The following KANK1 variants were observed in gnomAD, a reference collection of about 807,000 sequenced individuals.
KANK1 encodes KN motif and ankyrin repeat domains 1.
A neutral mutation model predicts 106.2 loss-of-function variants in KANK1; 109 were observed. That is an observed-to-expected ratio of 1.03 (90% CI 0.88 to 1.20). The LOEUF (loss-of-function observed/expected upper bound fraction) is 1.20. Among genes scored for constraint, KANK1 ranks in the 50% most tolerant of loss-of-function variants. The probability of loss-of-function intolerance (pLI) is 0.00; values close to 1 mark genes in which losing one functional copy is unlikely to be tolerated. For missense variants in KANK1, 2,399 were observed against 1,710.7 expected, an observed-to-expected ratio of 1.40 and a Z score of -7.10; for synonymous variants, 873 against 652.2, an observed-to-expected ratio of 1.34 and a Z score of -5.16.
Position 713,211 on chromosome 9 carries a change from T to G in KANK1, c.2445T>G (p.Ala815=). The change falls in exon 3 of 12, where the codon GCT becomes GCG. Residue 815 remains alanine, a synonymous_variant. Coordinates refer to ENST00000382297, the MANE Select transcript of KANK1 (RefSeq NM_015158.5). The part of the protein sequence containing the change: ...GESLENPQPQ[A]PLGMMTGLDH... The stretch of plus-strand genomic sequence containing the variant: ...CTCTGGAGAACCCCCAGCCTCAAGC[T>G]CCACTTGGAATGATGACTGGCCTGG... 1 of 1,591,770 alleles carries G rather than the reference T, an allele frequency of 6.3e-7. No individual in the cohort carries two copies. The highest frequency in any genetic ancestry group is 8.6e-7 in the Non-Finnish European group (1 of 1,168,884).
intron 1 of KANK1, among the ~76,000 whole-genome samples, chr9:636,628 G>A (rs1268204268): frequency 6.6e-6 from 1 of 152,214 alleles, no homozygotes; most frequent in Non-Finnish European, 1.5e-5. Flanking sequence ...AACACTTTGG[G>A]AGGCCAAGGC....
chr9:727,680 A>ATGTGTGTGTGTGTG lies in KANK1; in HGVS notation c.2699-2347_2699-2334dup, dbSNP rs55997819. Among the ~76,000 whole-genome samples, 962 of 139,742 alleles carry ATGTGTGTGTGTGTG rather than the reference A, an allele frequency of 6.9e-3. 17 individuals are homozygous for ATGTGTGTGTGTGTG. Among genetic ancestry groups the ATGTGTGTGTGTGTG allele is most frequent in the African/African-American group, 0.023 (879 of 37,648 alleles). 91.7% of individuals were successfully genotyped at this position (139,742 alleles called of 152,430 possible). On this transcript the variant is annotated intron_variant, in intron 3 of 11. Transcript: ENST00000382297. ...TTAGCACAGAGTCAGATAACTTTTC[A>ATGTGTGTGTGTGTG]TGTGTGTGTGTGTGTGTGTGTGTGT...
chr9:654,841 G>A (rs1841762329), intron 1 of KANK1, among the ~76,000 whole-genome samples: 2 of 148,530 alleles, frequency 1.3e-5, no homozygotes. Flanking sequence ...GAGAGAGAGA[G>A]AGAGAGATAA....
chr9:663,575 T>C (rs1843866674), intron 1 of KANK1, among the ~76,000 whole-genome samples: 1 of 152,242 alleles, frequency 6.6e-6, no homozygotes, highest in Non-Finnish European at 1.5e-5. Context: ...TTCTTTAGAC[T>C]ATCTATTGCT....
chr9:616,952 G>A (rs1013991403), intron 1 of KANK1, among the ~76,000 whole-genome samples: 3 of 152,192 alleles, frequency 2.0e-5, no homozygotes, highest in Non-Finnish European at 2.9e-5. Context: ...GTGGGGATAT[G>A]TGATTCTTCC....
At chr9:556,034 AGTT>A (rs915963369) in intron 1 of KANK1, among the ~76,000 whole-genome samples, 2 of 152,166 alleles carry the variant, frequency 1.3e-5, no homozygotes, top group African/African-American at 4.8e-5. Flanking sequence ...ACTGCTGCAA[AGTT>A]GTTGGTGGGG....
intron 1 of KANK1, among the ~76,000 whole-genome samples, chr9:656,664 G>A (rs568237844): frequency 6.6e-6 from 1 of 152,274 alleles, no homozygotes; most frequent in South Asian, 2.1e-4. Flanking sequence ...GCGTGGGTAG[G>A]TGAACGTCAG....
At chr9:732,324 A>C (rs770819459) in intron 5 of KANK1, 54 bp from the exon 6 acceptor site, 24 of 1,558,152 alleles carry the variant, frequency 1.5e-5, no homozygotes, top group Non-Finnish European at 1.9e-5. Flanking sequence ...AATTTCTATC[A>C]CTGGGTCTTC....
rs755712461 is a variant in KANK1 at position 698,922 on chromosome 9, C to T, written c.38-11882C>T. 6.1e-4 allele frequency among the ~76,000 whole-genome samples: 93 copies of T among 152,180 alleles called. 1 individual carries two copies. The highest frequency in any genetic ancestry group is 1.3e-4 in the Non-Finnish European group (9 of 68,042). ...TGTTTAAAACCCTTCAATAGCTTAC[C>T]AATGCATCTATGATGCAAAAACTTG... On this transcript the variant is annotated intron_variant, in intron 2 of 11. Coordinates refer to ENST00000382297, the MANE Select transcript of KANK1 (RefSeq NM_015158.5).
At chr9:694,283 T>C (rs549096940) in intron 2 of KANK1, among the ~76,000 whole-genome samples, 11 of 152,352 alleles carry the variant, frequency 7.2e-5, no homozygotes, top group Admixed American at 4.6e-4. Flanking sequence ...GTTTTATCCC[T>C]AAGTTAGCCA....
chr9:625,935 C>T (rs1200442253), intron 1 of KANK1, among the ~76,000 whole-genome samples: 1 of 152,044 alleles, frequency 6.6e-6, no homozygotes, highest in African/African-American at 2.4e-5. Context: ...GCCTCTTATT[C>T]CCACCTTCAG....
chr9:600,876 G>A (rs961476509), intron 1 of KANK1, among the ~76,000 whole-genome samples: 21 of 151,716 alleles, frequency 1.4e-4, no homozygotes, highest in Non-Finnish European at 7.4e-5. Context: ...TTTTTGTTCT[G>A]GGATAACTGA....
intron 1 of KANK1, among the ~76,000 whole-genome samples, chr9:584,316 T>C (rs1348483388): frequency 6.6e-6 from 1 of 152,250 alleles, no homozygotes; most frequent in Admixed American, 6.5e-5. Context: ...GTATTATGTT[T>C]ATGTGTCATG....
intron 1 of KANK1, among the ~76,000 whole-genome samples, chr9:521,491 A>T (rs890154164): frequency 6.7e-6 from 1 of 150,304 alleles, no homozygotes; most frequent in African/African-American, 2.5e-5. Flanking sequence ...TGTTTTTGGG[A>T]GATGGTGTTC....
chr9:502,851 T>A (rs2058583573), upstream of KANK1, among the ~76,000 whole-genome samples: 2 of 152,020 alleles, frequency 1.3e-5, no homozygotes, highest in African/African-American at 4.8e-5. Flanking sequence ...TTATTTATTT[T>A]TGAGACAGGG....
intron 1 of KANK1, among the ~76,000 whole-genome samples, chr9:645,812 G>A (rs756649313): frequency 6.6e-6 from 1 of 150,642 alleles, no homozygotes; most frequent in African/African-American, 2.5e-5. Context: ...CAGCTTGGGC[G>A]ACAGAGCAAG....
At chr9:634,987 G>C (rs2136939806) in intron 1 of KANK1, among the ~76,000 whole-genome samples, 1 of 152,304 alleles carries the variant, frequency 6.6e-6, no homozygotes, top group Middle Eastern at 3.4e-3. Flanking sequence ...TCTTGTAGGA[G>C]TAAGGAAACA....
intron 1 of KANK1, among the ~76,000 whole-genome samples, chr9:639,498 G>A (rs1386305995): frequency 6.6e-6 from 1 of 151,904 alleles, no homozygotes; most frequent in South Asian, 2.1e-4. Context: ...TGTATTCTTA[G>A]TAGAGACAGG....
At chr9:637,644 A>G (rs1461737520) in intron 1 of KANK1, among the ~76,000 whole-genome samples, 4 of 152,160 alleles carry the variant, frequency 2.6e-5, no homozygotes, top group South Asian at 4.1e-4. Context: ...CCACTGTCCT[A>G]TGGGATCAAG....
Sources: allele counts gnomAD v4.1 joint callset (sites outside exome capture counted in the v4.1 genomes callset), GRCh38; gene constraint gnomAD v4.1.1; transcripts MANE v1.5; gene names NCBI Gene and HGNC (gene_info 2026-07-23, HGNC 2026-07-21).